The following PCDH15 variants were observed in gnomAD, a reference collection of about 807,000 sequenced individuals.
The protein encoded by PCDH15 is protocadherin related 15, also known as protocadherin-15.
PCDH15 carries 129 observed loss-of-function variants against 178.5 expected under a neutral mutation model. The ratio of observed to expected loss-of-function variants is 0.72; its 90% confidence interval spans 0.63 to 0.84. The LOEUF (loss-of-function observed/expected upper bound fraction) is 0.84, where lower values mean the gene tolerates loss of function less well. Among genes scored for constraint, PCDH15 ranks in the 40% least tolerant of loss-of-function variants. The probability of loss-of-function intolerance (pLI) is 0.00; values close to 1 mark genes in which losing one functional copy is unlikely to be tolerated. For synonymous variants in PCDH15, 800 were observed against 732.0 expected (o/e 1.09, Z -1.50); for missense variants, 2,230 against 2,099.9 (o/e 1.06, Z -1.21).
At chr10:54,707,092 C>T (rs992363350) in intron 1 of PCDH15, among the ~76,000 whole-genome samples, 3 of 152,086 alleles carry the variant, frequency 2.0e-5, no homozygotes, top group African/African-American at 7.2e-5. Context: ...TGGTATACTC[C>T]TAGAGGCTGA....
At chr10:54,324,040 C>A (rs2061779195) in intron 7 of PCDH15, among the ~76,000 whole-genome samples, 3 of 152,062 alleles carry the variant, frequency 2.0e-5, no homozygotes, top group Non-Finnish European at 2.9e-5. Flanking sequence ...CATAAACCAT[C>A]ACCTGCTATC....
At chr10:53,999,465 TA>T (rs368691950) in intron 20 of PCDH15, among the ~76,000 whole-genome samples, 22 of 152,322 alleles carry the variant, frequency 1.4e-4, no homozygotes, top group African/African-American at 5.1e-4. Context: ...TGCTTCTGCA[TA>T]AAAAGTCATA....
chr10:55,076,515 G>A (rs549108820), intron 2 of PCDH15, among the ~76,000 whole-genome samples: 7 of 151,144 alleles, frequency 4.6e-5, no homozygotes, highest in Non-Finnish European at 7.4e-5. Context: ...GAAGTGGTGC[G>A]ATCTCAGTTC....
intron 2 of PCDH15, among the ~76,000 whole-genome samples, chr10:55,531,367 T>G (rs764391479): frequency 2.6e-5 from 4 of 151,972 alleles, no homozygotes; most frequent in Non-Finnish European, 4.4e-5. Flanking sequence ...TTCAAACATG[T>G]TTTTCCTCAT....
chr10:55,247,616 T>C (rs906040331), intron 1 of PCDH15: 2 of 152,082 alleles, frequency 1.3e-5, no homozygotes, highest in Admixed American at 1.3e-4. Context: ...ATAATTCTTT[T>C]TTTTTTTTAA....
At chr10:54,197,425 T>C (rs1471866109) in intron 10 of PCDH15, among the ~76,000 whole-genome samples, 1 of 152,154 alleles carries the variant, frequency 6.6e-6, no homozygotes, top group East Asian at 1.9e-4. Flanking sequence ...TGAGAAAACA[T>C]GGATATAATT....
At chr10:54,051,391 A>G (rs1462701605) in intron 18 of PCDH15, among the ~76,000 whole-genome samples, 1 of 152,182 alleles carries the variant, frequency 6.6e-6, no homozygotes, top group Non-Finnish European at 1.5e-5. Flanking sequence ...AACGGCTTTG[A>G]CCAAAATGCT....
chr10:55,320,607 G>A (rs1395417289), upstream of PCDH15, among the ~76,000 whole-genome samples: 1 of 152,150 alleles, frequency 6.6e-6, no homozygotes, highest in African/African-American at 2.4e-5. Context: ...AGCTTCTAAT[G>A]TGAAGTCAGG....
rs543369820 is a variant in PCDH15, at chr10:55,013,298, G to A, written c.-79-115798C>T. Among the ~76,000 whole-genome samples the A allele has an allele frequency of 2.0e-5, 3 of 152,174 alleles. No homozygotes were observed. The South Asian group carries it at 6.2e-4, about 32-fold the overall frequency. On this transcript the variant is annotated intron_variant, in intron 2 of 5. Transcript: ENST00000458638. ...TCCAACAGTTCTGTGCACAGTACCT[G>A]AAAAAATCTTTTGAAAATGCAAATG...
rs1335175587 is a variant in PCDH15 at position 54,255,421 on chromosome 10, G to GT, written c.877-18491dup. Among the ~76,000 whole-genome samples the GT allele has an allele frequency of 1.8e-4, 27 of 152,236 alleles. No individual in the cohort carries two copies. In the South Asian group the frequency reaches 5.6e-3, roughly 32 times the overall value. On this transcript the variant is annotated intron_variant, in intron 8 of 37. Coordinates refer to ENST00000644397, the MANE Select transcript of PCDH15 (RefSeq NM_001384140.1). ...CTTAGTTGTTCTTTTGATTCTTACT[G>GT]TTGAAAACCAAGATTATGCTCTTGT...
At chr10:54,456,253 G>A (rs12254278) in intron 3 of PCDH15, among the ~76,000 whole-genome samples, 6 of 152,254 alleles carry the variant, frequency 3.9e-5, no homozygotes, top group East Asian at 1.9e-4. Flanking sequence ...GCAGCTGAAG[G>A]GGGGGCATAC....
intron 2 of PCDH15, among the ~76,000 whole-genome samples, chr10:55,523,572 C>T (rs926034195): frequency 7.9e-5 from 12 of 151,506 alleles, no homozygotes; most frequent in Non-Finnish European, 1.5e-4. Context: ...TTTCACAGGG[C>T]GATAGACATC....
intron 21 of PCDH15, among the ~76,000 whole-genome samples, chr10:53,982,370 C>T (rs1316051630): frequency 3.9e-5 from 6 of 152,020 alleles, no homozygotes; most frequent in East Asian, 1.9e-4. Context: ...CACATGCACA[C>T]GTATGTTTAT....
intron 2 of PCDH15, chr10:54,600,028 G>C (rs2092450872): frequency 1.5e-6 from 2 of 1,339,730 alleles, no homozygotes; most frequent in East Asian, 2.5e-5. Flanking sequence ...AAAAGCAGAA[G>C]TGGGGAAAGG....
At chr10:53,914,421 A>G (rs2083380334) in intron 25 of PCDH15, among the ~76,000 whole-genome samples, 1 of 152,214 alleles carries the variant, frequency 6.6e-6, no homozygotes, top group Admixed American at 6.5e-5. Context: ...ACACCATGGA[A>G]TACTATGCAG....
chr10:55,414,798 T>C (rs1838436208), intron 2 of PCDH15, among the ~76,000 whole-genome samples: 1 of 150,838 alleles, frequency 6.6e-6, no homozygotes. Context: ...TGTGTGTGTG[T>C]GTGTGTCTGT....
At chr10:55,315,104 A>G (rs1178984003) in intron 1 of PCDH15, among the ~76,000 whole-genome samples, 1 of 152,088 alleles carries the variant, frequency 6.6e-6, no homozygotes, top group Non-Finnish European at 1.5e-5. Flanking sequence ...TCTTCTAGTT[A>G]ATATATATGT....
intron 1 of PCDH15, among the ~76,000 whole-genome samples, chr10:54,670,765 A>C (rs2094649277): frequency 6.6e-6 from 1 of 152,114 alleles, no homozygotes; most frequent in Admixed American, 6.6e-5. Context: ...TTACTCAATT[A>C]GTATTTATTT....
In PCDH15 at chr10:54,714,507, A is replaced by G. The variant is rs899990236; in HGVS notation, c.-28-50217T>C. On this transcript the variant is annotated intron_variant, in intron 1 of 37. Transcript: ENST00000644397. ...TTTTGTAAAAAGGCCTTAAACATTC[A>G]ATTAATAGCAGTATAATCTAATTCC... Among the ~76,000 whole-genome samples, 3 of 152,184 alleles carry G rather than the reference A, an allele frequency of 2.0e-5. No individual in the cohort carries two copies. The South Asian group carries it at 6.2e-4, about 31-fold the overall frequency.
Sources: allele counts gnomAD v4.1 joint callset (sites outside exome capture counted in the v4.1 genomes callset), GRCh38; gene constraint gnomAD v4.1.1; transcripts MANE v1.5; gene names NCBI Gene and HGNC (gene_info 2026-07-23, HGNC 2026-07-21).